SRC: variants seen among roughly 807,000 people sequenced by gnomAD.
The protein encoded by SRC is SRC proto-oncogene, non-receptor tyrosine kinase.
SRC carries 13 observed loss-of-function variants against 62.9 expected under a neutral mutation model. The ratio of observed to expected loss-of-function variants is 0.21; its 90% CI spans 0.13 to 0.33. The LOEUF (loss-of-function observed/expected upper bound fraction) is 0.33, where lower values mean the gene tolerates loss of function less well. SRC is among the 10% of genes least tolerant of loss of function. The pLI is 1.00. For synonymous variants in SRC, 302 were observed against 317.5 expected (o/e 0.95, Z 0.52); for missense variants, 457 against 737.3 (o/e 0.62, Z 4.40).
At chr20:37,355,243 C>G (rs2069864016) in intron 1 of SRC, among the ~76,000 whole-genome samples, 1 of 152,006 alleles carries the variant, frequency 6.6e-6, no homozygotes, top group Non-Finnish European at 1.5e-5. Flanking sequence ...CTCCCCACCC[C>G]CACCCCGCCA....
rs186676837 is a variant in SRC at position 37,392,779 on chromosome 20, G to A, written c.351-1116G>A. 2.8e-4 allele frequency among the ~76,000 whole-genome samples: 43 copies of A among 152,170 alleles called. No homozygotes were observed. In the East Asian group the frequency reaches 7.4e-3, roughly 26 times the overall value. ...CCTCTCCTCACTCCCTGTGGACCCC[G>A]TCCCTGTCCCCTTGGTTGCTTTGGA... On this transcript the variant is annotated intron_variant, in intron 5 of 13. Transcript: ENST00000373578.
At chr20:37,378,331 T>C (rs2070308404) in intron 2 of SRC, among the ~76,000 whole-genome samples, 1 of 151,972 alleles carries the variant, frequency 6.6e-6, no homozygotes, top group African/African-American at 2.4e-5. Context: ...TCTATAGAGA[T>C]ACAGTCTCAC....
rs551994345 is a variant in SRC, at chr20:37,402,677, C to T, written c.1271-72C>T. On this transcript the variant is annotated intron_variant, in intron 12 of 13. Transcript: ENST00000373578. This position sits in a 1 kb window ranked among gnomAD's most constrained non-coding sequence, Gnocchi z 6.2. Reference sequence around the variant, plus strand: ...CCAGTTTTTTCCTCAGCTGTCATTCCTCATGGTGCTTATCTAGCAGAGCGG... The same window carrying T: ...CCAGTTTTTTCCTCAGCTGTCATTCTTCATGGTGCTTATCTAGCAGAGCGG... 96 of 1,572,526 alleles carry T rather than the reference C, an allele frequency of 6.1e-5. No individual in the cohort carries two copies. In the African/African-American group the frequency reaches 1.1e-3, roughly 18 times the overall value.
At chr20:37,349,235 G>C (rs36003615) in intron 1 of SRC, among the ~76,000 whole-genome samples, 10 of 152,216 alleles carry the variant, frequency 6.6e-5, no homozygotes, top group South Asian at 2.1e-4. Context: ...CAAGAGGAGC[G>C]GGTATTTGAG....
At chr20:37,377,863 C>A (rs939153895) in intron 2 of SRC, among the ~76,000 whole-genome samples, 2 of 151,924 alleles carry the variant, frequency 1.3e-5, no homozygotes, top group Admixed American at 6.6e-5. Flanking sequence ...CCAGAGCTTT[C>A]TTTTTTTAAA....
At position 37,386,079 on chromosome 20, in the gene SRC, A is replaced by G. The variant is rs1282748325; in HGVS notation, c.255A>G (p.Gly85=). ...SPQRAGPLAG[G]VTTFVALYDY... is the part of the protein sequence containing the mutation. ...ACACCCCACCCCTCTCTGCAGGTGGAGTGACCACCTTTGTGGCCCTCTATG... is the reference window on the plus strand; with the variant it reads ...ACACCCCACCCCTCTCTGCAGGTGGGGTGACCACCTTTGTGGCCCTCTATG... Residue 85 remains glycine (G), a synonymous_variant, in exon 5 of 14, where the codon GGA becomes GGG. Coordinates refer to ENST00000373578, the MANE Select transcript of SRC (RefSeq NM_198291.3). 1.2e-6 allele frequency: 2 copies of G among 1,612,496 alleles called. No individual in the cohort carries two copies.
At chr20:37,401,009 T>C (rs1363207040) in intron 10 of SRC, among the ~76,000 whole-genome samples, 4 of 152,252 alleles carry the variant, frequency 2.6e-5, no homozygotes, top group Middle Eastern at 3.4e-3. Context: ...CAATTTTTTA[T>C]TTTTTGAGAT....
At chr20:37,392,941 G>A (rs1601009058) in intron 5 of SRC, among the ~76,000 whole-genome samples, 1 of 152,020 alleles carries the variant, frequency 6.6e-6, no homozygotes, top group East Asian at 1.9e-4. Context: ...TTGGGCTCTC[G>A]CTCTCTCCTC....
intron 1 of SRC, among the ~76,000 whole-genome samples, chr20:37,348,017 A>G (rs1351269920): frequency 6.6e-6 from 1 of 152,170 alleles, no homozygotes; most frequent in Non-Finnish European, 1.5e-5. Flanking sequence ...TTTCCACCCA[A>G]GGAAATGATT....
chr20:37,352,749 C>T (rs923385451), intron 1 of SRC, among the ~76,000 whole-genome samples: 5 of 152,182 alleles, frequency 3.3e-5, no homozygotes, highest in Non-Finnish European at 7.4e-5. Flanking sequence ...CTAGAGGTGC[C>T]CTGCCCCGAT....
At position 37,358,325 on chromosome 20, in the gene SRC, T is replaced by TG. The variant is rs1459823835; in HGVS notation, c.-246-6876dup. On this transcript the variant is annotated intron_variant, in intron 1 of 13. Transcript: ENST00000373578. ...CCGTGGTCACCCCAGAGCTGGGCTT[T>TG]GGGAAGGGGCTGGAGGGCTGAGTGG... 2.0e-5 allele frequency among the ~76,000 whole-genome samples: 3 copies of TG among 152,128 alleles called. No homozygotes were observed. In the South Asian group the frequency reaches 6.2e-4, roughly 31 times the overall value.
In SRC at chr20:37,384,146, C is replaced by G; in HGVS notation, c.-4-4C>G. On this transcript the variant is annotated splice_polypyrimidine_tract_variant and splice_region_variant and intron_variant, in intron 3 of 13. Transcript: ENST00000373578. This position sits in a 1 kb window ranked among gnomAD's most constrained non-coding sequence, Gnocchi z 6.7. ...GTTCCAGTGTCTTCTCTCTCTCCTG[C>G]CAGGACCATGGGTAGCAACAAGAGC... 6.2e-7 allele frequency: 1 copy of G among 1,600,462 alleles called. No homozygotes were observed. The highest frequency in any genetic ancestry group is 1.1e-5 in the South Asian group (1 of 90,950).
At chr20:37,389,637 C>T (rs996866416) in intron 5 of SRC, among the ~76,000 whole-genome samples, 1 of 152,198 alleles carries the variant, frequency 6.6e-6, no homozygotes, top group Non-Finnish European at 1.5e-5. Context: ...GTCCCAGCAG[C>T]CCAAGGGAGC....
chr20:37,351,333 C>G lies in SRC; in HGVS notation c.-247+5078C>G, dbSNP rs1325404470. On this transcript the variant is annotated intron_variant, in intron 1 of 13. Coordinates refer to ENST00000373578, the MANE Select transcript of SRC (RefSeq NM_198291.3). This position sits in a 1 kb window ranked among gnomAD's most constrained non-coding sequence, Gnocchi z 4.4. The stretch of plus-strand genomic sequence containing the variant: ...CCTCATCTGTATGGTGAGGACTCCT[C>G]CCACTGAGGCTCTGTGATGGTGATC... Among the ~76,000 whole-genome samples, 1 of 152,188 alleles carries G rather than the reference C, an allele frequency of 6.6e-6. No individual in the cohort carries two copies. Among genetic ancestry groups the G allele is most frequent in the Non-Finnish European group, 1.5e-5 (1 of 68,034 alleles).
intron 1 of SRC, 74 bp from the exon 2 acceptor site, chr20:37,365,130 T>C (rs1357476259): frequency 6.6e-6 from 1 of 152,210 alleles, no homozygotes; most frequent in East Asian, 1.9e-4. Flanking sequence ...GGCCCTGAGC[T>C]TGTGCTGTCT....
chr20:37,372,302 A>T (rs561557127), intron 2 of SRC, among the ~76,000 whole-genome samples: 1 of 152,270 alleles, frequency 6.6e-6, no homozygotes, highest in East Asian at 1.9e-4. Flanking sequence ...TCCTTTTTTT[A>T]AAATATAGGA....
In SRC at chr20:37,351,581, T is replaced by G. The variant is rs2069801241; in HGVS notation, c.-247+5326T>G. On this transcript the variant is annotated intron_variant, in intron 1 of 13. Coordinates refer to ENST00000373578, the MANE Select transcript of SRC (RefSeq NM_198291.3). The surrounding 1 kb of genome is among the most constrained non-coding windows in gnomAD (Gnocchi z 4.4). Reference sequence around the variant, plus strand: ...TGAGCTGGAGTGGCCTGGGGAAGCATGGCCTCCCTGTTGGGGTCTGATTAG... The same window carrying G: ...TGAGCTGGAGTGGCCTGGGGAAGCAGGGCCTCCCTGTTGGGGTCTGATTAG... Among the ~76,000 whole-genome samples the G allele has an allele frequency of 6.6e-6, 1 of 152,194 alleles. No homozygotes were observed. The highest frequency in any genetic ancestry group is 1.5e-5 in the Non-Finnish European group (1 of 68,032).
chr20:37,353,781 A>G (rs2069841725), intron 1 of SRC, among the ~76,000 whole-genome samples: 1 of 152,078 alleles, frequency 6.6e-6, no homozygotes, highest in Non-Finnish European at 1.5e-5. Context: ...CTCTACTTCC[A>G]CAGACCCTTG....
At chr20:37,358,823 C>T (rs141710508) in intron 1 of SRC, among the ~76,000 whole-genome samples, 18 of 152,378 alleles carry the variant, frequency 1.2e-4, no homozygotes, top group South Asian at 8.3e-4. Flanking sequence ...CCATGTCTGC[C>T]GGTGTCCGCC....
Sources: allele counts gnomAD v4.1 joint callset (sites outside exome capture counted in the v4.1 genomes callset), GRCh38; gene constraint gnomAD v4.1.1; non-coding constraint Gnocchi (gnomAD v3.1); transcripts MANE v1.5; gene names NCBI Gene and HGNC (gene_info 2026-07-23, HGNC 2026-07-21).